Variants in SUPT5H observed in about 807,000 individuals in gnomAD.
SUPT5H encodes SPT5 homolog, DSIF elongation factor subunit.
In SUPT5H, 24 loss-of-function variants were observed where a neutral mutation model predicts 142.5. The observed-to-expected ratio is 0.17, with a 90% CI of 0.12 to 0.24. The LOEUF is 0.24. Among genes scored for constraint, SUPT5H ranks in the 10% least tolerant of loss-of-function variants. The pLI is 1.00. For missense variants in SUPT5H, 893 were observed against 1,471.8 expected (o/e 0.61, Z 6.43); for synonymous variants, 546 against 553.0 (o/e 0.99, Z 0.18).
chr19:39,462,909 G>C (rs551731111), intron 10 of SUPT5H, among the ~76,000 whole-genome samples: 6 of 138,266 alleles, frequency 4.3e-5, no homozygotes, highest in Non-Finnish European at 9.1e-5. Context: ...ATGCGATCTC[G>C]GCTCACCGCA....
In SUPT5H at chr19:39,458,996, G is replaced by T; in HGVS notation, c.390-9G>T. On this transcript the variant is annotated splice_polypyrimidine_tract_variant and intron_variant, in intron 6 of 29. Coordinates refer to ENST00000432763, the MANE Select transcript of SUPT5H (RefSeq NM_001111020.3). This position sits in a 1 kb window ranked among gnomAD's most constrained non-coding sequence, Gnocchi z 4.2. ...TCAATTCGTGTTTGCTTCCCCACTC[G>T]TGCTCCAGGGACCAGCGAGAAGAAG... is the stretch of plus-strand genomic sequence containing the variant. 6.2e-7 allele frequency: 1 copy of T among 1,614,122 alleles called. No individual in the cohort carries two copies. The highest frequency in any genetic ancestry group is 8.5e-7 in the Non-Finnish European group (1 of 1,180,014).
rs751921698 is a variant in SUPT5H, at chr19:39,473,990, C to T, written c.2520C>T (p.Phe840=). The part of the protein sequence containing the change: ...SRAEEEYEYA[F]DDEPTPSPQA... ...CTGAGGAAGAATATGAGTATGCTTT[C>T]GATGATGAGCCCACCCCGTCCCCGC... Residue 840 remains phenylalanine, a synonymous_variant, in exon 26 of 30, where the codon TTC becomes TTT. Coordinates refer to ENST00000432763, the MANE Select transcript of SUPT5H (RefSeq NM_001111020.3). The surrounding 1 kb of genome is among the most constrained non-coding windows in gnomAD (Gnocchi z 5.8). 1.2e-5 allele frequency: 20 copies of T among 1,613,794 alleles called. No homozygotes were observed. The highest frequency in any genetic ancestry group is 1.6e-4 in the Middle Eastern group (1 of 6,080).
intron 10 of SUPT5H, among the ~76,000 whole-genome samples, chr19:39,464,166 G>A (rs2079203863): frequency 6.7e-6 from 1 of 149,112 alleles, no homozygotes; most frequent in Admixed American, 6.7e-5. Flanking sequence ...GATATTTTTA[G>A]TAGAGACAGG....
chr19:39,472,463 A>T lies in SUPT5H; in HGVS notation c.2005A>T (p.Ile669Phe). ...TGGCTTTGCGCCTATGAGTCCCCGG[A>T]TCAGCAGCCCCATGCACCCCAGTGC... ...VGGFAPMSPR[I>F]SSPMHPSAGG... Residue 669 changes from isoleucine (I) to phenylalanine (F), a missense_variant, in exon 21 of 30, where the codon ATC (isoleucine) becomes TTC (phenylalanine). This residue lies in a region of SUPT5H where 428 missense variants were observed against 763.5 expected (regional missense o/e 0.56). Transcript: ENST00000432763. The surrounding 1 kb of genome is among the most constrained non-coding windows in gnomAD (Gnocchi z 4.2). The T allele has an allele frequency of 1.9e-6, 3 of 1,614,042 alleles. No individual in the cohort carries two copies. The highest frequency in any genetic ancestry group is 2.5e-6 in the Non-Finnish European group (3 of 1,179,992).
At position 39,470,278 on chromosome 19, in the gene SUPT5H, G is replaced by A. The variant is rs2079301288; in HGVS notation, c.1530+4G>A. 6.4e-7 allele frequency: 1 copy of A among 1,564,428 alleles called. No individual in the cohort carries two copies. Among genetic ancestry groups the A allele is most frequent in the East Asian group, 2.3e-5 (1 of 43,810 alleles). On this transcript the variant is annotated splice_donor_region_variant and intron_variant, in intron 17 of 29. Coordinates refer to ENST00000432763, the MANE Select transcript of SUPT5H (RefSeq NM_001111020.3). The surrounding 1 kb of genome is among the most constrained non-coding windows in gnomAD (Gnocchi z 5.8). ...CTCTGACCTCACCATGCATGAGGTAGGTGGATAGAAGGGTCGGGGAAGGGT... is the reference window on the plus strand; with the variant it reads ...CTCTGACCTCACCATGCATGAGGTAAGTGGATAGAAGGGTCGGGGAAGGGT...
Position 39,459,217 on chromosome 19 carries a change from C to A in SUPT5H, c.492C>A (p.Asp164Glu). Residue 164 changes from aspartate (D) to glutamate (E), a missense_variant, in exon 8 of 30, where the codon GAC becomes GAA. By Grantham distance (45) the Asp-to-Glu change is conservative (BLOSUM62 2). Transcript: ENST00000432763. ...GAGGATCTGATGAGCTCTCAGACGA[C>A]ATCACCCAGCAGCAGCTGCTCCCAG... ...VYGGSDELSDDITQQQLLPGV... is the reference protein window; with the variant it reads ...VYGGSDELSDEITQQQLLPGV... 6.4e-7 allele frequency: 1 copy of A among 1,571,390 alleles called. No homozygotes were observed. Among genetic ancestry groups the A allele is most frequent in the Non-Finnish European group, 8.6e-7 (1 of 1,157,892 alleles).
intron 2 of SUPT5H, among the ~76,000 whole-genome samples, chr19:39,452,136 G>T (rs1168984771): frequency 6.6e-6 from 1 of 152,158 alleles, no homozygotes; most frequent in Non-Finnish European, 1.5e-5. Flanking sequence ...GTGCCTGTCG[G>T]TAATTGGAGG....
rs1013170793 is a variant in SUPT5H, at chr19:39,459,339, C to T, written c.524+90C>T. On this transcript the variant is annotated intron_variant, in intron 8 of 29. Coordinates refer to ENST00000432763, the MANE Select transcript of SUPT5H (RefSeq NM_001111020.3). Reference sequence around the variant, plus strand: ...AGACAGGTGGCTCCCTGAAATAAGTCAGGGCAGAGTCACACAGGCAGTGTG... The same window carrying T: ...AGACAGGTGGCTCCCTGAAATAAGTTAGGGCAGAGTCACACAGGCAGTGTG... 47 of 1,483,516 alleles carry T rather than the reference C, an allele frequency of 3.2e-5. No individual in the cohort carries two copies. The South Asian group carries it at 5.3e-4, about 17-fold the overall frequency. The allele number at this position is 1,483,516 out of a possible 1,614,324, so 91.9% of individuals were successfully genotyped here. A position where few individuals can be genotyped will look rare whatever the true frequency, so the allele number is the denominator to read the frequency against.
In SUPT5H at chr19:39,469,945, T is replaced by C. The variant is rs952732634; in HGVS notation, c.1375-174T>C. 3.7e-6 allele frequency: 3 copies of C among 800,540 alleles called. No individual in the cohort carries two copies. In the African/African-American group the frequency reaches 5.2e-5, roughly 14 times the overall value. 49.6% of individuals were successfully genotyped at this position (800,540 alleles called of 1,614,324 possible). A position where few individuals can be genotyped will look rare whatever the true frequency, so the allele number is the denominator to read the frequency against. ...TTGGTGTCCTGTGTCTGGGGTCAGC[T>C]GTTTCTGGGGCAGTCTGAGGGGTCG... On this transcript the variant is annotated intron_variant, in intron 16 of 29. Transcript: ENST00000432763. The surrounding 1 kb of genome is among the most constrained non-coding windows in gnomAD (Gnocchi z 5.1).
At position 39,472,303 on chromosome 19, in the gene SUPT5H, G is replaced by A. The variant is rs1260023026; in HGVS notation, c.1951-106G>A. On this transcript the variant is annotated intron_variant, in intron 20 of 29. Transcript: ENST00000432763. The surrounding 1 kb of genome is among the most constrained non-coding windows in gnomAD (Gnocchi z 4.2). Reference sequence around the variant, plus strand: ...AGAGGAATTCAGGCCTGGGGTGTGGGTGGCTGGGTGGTCTCCTCAGGGCCC... The same window carrying A: ...AGAGGAATTCAGGCCTGGGGTGTGGATGGCTGGGTGGTCTCCTCAGGGCCC... 10 of 1,042,426 alleles carry A rather than the reference G, an allele frequency of 9.6e-6. No homozygotes were observed. Among genetic ancestry groups the A allele is most frequent in the Non-Finnish European group, 1.5e-5 (10 of 677,460 alleles). The allele number at this position is 1,042,426 out of a possible 1,614,324, so 64.6% of individuals were successfully genotyped here.
chr19:39,466,898 TC>T lies in SUPT5H; in HGVS notation c.1037+156del. 1.5e-6 allele frequency: 1 copy of T among 675,658 alleles called. No individual in the cohort carries two copies. The highest frequency in any genetic ancestry group is 2.6e-6 in the Non-Finnish European group (1 of 388,192). The allele number at this position is 675,658 out of a possible 1,614,324, so 41.9% of individuals were successfully genotyped here. On this transcript the variant is annotated intron_variant, in intron 13 of 29. Coordinates refer to ENST00000432763, the MANE Select transcript of SUPT5H (RefSeq NM_001111020.3). The surrounding 1 kb of genome is among the most constrained non-coding windows in gnomAD (Gnocchi z 4.3). ...ATAGCCTCAGGCAAGTCACTTCACA[TC>T]CCTGTGCCTCAGTTTCTTCTGCTAT...
chr19:39,445,703 TG>T, intron 1 of SUPT5H, 66 bp downstream of exon 1: 2 of 654,854 alleles, frequency 3.1e-6, no homozygotes, highest in Non-Finnish European at 5.3e-6. Context: ...ATTCGGAAAC[TG>T]GGGAGGTCTA....
Position 39,452,618 on chromosome 19 carries a change from G to T in SUPT5H, c.76-738G>T, listed in dbSNP as rs75209835. 3.5e-3 allele frequency among the ~76,000 whole-genome samples: 533 copies of T among 152,222 alleles called. 3 individuals carry two copies. The highest frequency in any genetic ancestry group is 0.012 in the African/African-American group (503 of 41,538). On this transcript the variant is annotated intron_variant, in intron 2 of 29. Transcript: ENST00000432763. Reference sequence around the variant, plus strand: ...GCAACAGGGGTGGCCAGTGATCTTCGTGAGCAGTGTGGACTAGAAACAGAG... The same window carrying T: ...GCAACAGGGGTGGCCAGTGATCTTCTTGAGCAGTGTGGACTAGAAACAGAG...
At position 39,474,270 on chromosome 19, in the gene SUPT5H, C is replaced by G; in HGVS notation, c.2688C>G (p.Pro896=). 2 of 1,614,098 alleles carry G rather than the reference C, an allele frequency of 1.2e-6. No individual in the cohort carries two copies. The highest frequency in any genetic ancestry group is 1.7e-6 in the Non-Finnish European group (2 of 1,179,980). The change falls in exon 27 of 30, where the codon CCC becomes CCG. Residue 896 remains proline, a synonymous_variant. Coordinates refer to ENST00000432763, the MANE Select transcript of SUPT5H (RefSeq NM_001111020.3). This position sits in a 1 kb window ranked among gnomAD's most constrained non-coding sequence, Gnocchi z 6.5. ...ACCAGTTCTCTCCCTATGCTGCCCC[C>G]TCCCCACAAGGTTCCTACCAGCCCA... ...NTDQFSPYAA[P]SPQGSYQPSP...
At chr19:39,468,593 G>T in intron 13 of SUPT5H, 163 bp from the exon 14 acceptor site, 1 of 624,896 alleles carries the variant, frequency 1.6e-6, no homozygotes, top group East Asian at 2.8e-5. Flanking sequence ...CGGGCCTTTG[G>T]GGTTTGTGAG....
At chr19:39,464,299 A>G (rs1005339005) in intron 10 of SUPT5H, among the ~76,000 whole-genome samples, 5 of 152,094 alleles carry the variant, frequency 3.3e-5, no homozygotes, top group African/African-American at 4.8e-5. Context: ...TTGCTTTTTT[A>G]CACAGAACAT....
chr19:39,462,057 G>A lies in SUPT5H; in HGVS notation c.624+2097G>A, dbSNP rs374238281. Among the ~76,000 whole-genome samples, 7 of 151,812 alleles carry A rather than the reference G, an allele frequency of 4.6e-5. No individual in the cohort carries two copies. The South Asian group carries it at 8.3e-4, about 18-fold the overall frequency. On this transcript the variant is annotated intron_variant, in intron 10 of 29. Coordinates refer to ENST00000432763, the MANE Select transcript of SUPT5H (RefSeq NM_001111020.3). ...CGAGTAGCTGGGATTATAGGCATCCGCCACCATGCCCGGCTGATTTTTTTG... is the reference window on the plus strand; with the variant it reads ...CGAGTAGCTGGGATTATAGGCATCCACCACCATGCCCGGCTGATTTTTTTG...
chr19:39,475,393 CA>C (rs57598754), intron 28 of SUPT5H, among the ~76,000 whole-genome samples: 33 of 132,866 alleles, frequency 2.5e-4, no homozygotes, highest in South Asian at 2.5e-4. Context: ...CAAGACTCCT[CA>C]AAAAAAAAAA....
chr19:39,476,295 G>A lies in SUPT5H; in HGVS notation c.3160G>A (p.Val1054Ile), dbSNP rs577692870. The change falls in exon 30 of 30, where the codon GTC becomes ATC. Residue 1054 changes from valine to isoleucine, a missense_variant. Val to Ile is a conservative substitution (Grantham distance 29). This residue lies in a region of SUPT5H where 336 missense variants were observed against 546.5 expected (regional missense o/e 0.61). Coordinates refer to ENST00000432763, the MANE Select transcript of SUPT5H (RefSeq NM_001111020.3). Reference protein sequence around the residue: ...ILGEDREATGVLLSIDGEDGI... With the variant: ...ILGEDREATGILLSIDGEDGI... ...GGGCGAGGATCGGGAAGCCACGGGC[G>A]TCCTACTGAGCATTGATGGTGAGGA... 16 of 1,613,994 alleles carry A rather than the reference G, an allele frequency of 9.9e-6. No individual in the cohort carries two copies. The highest frequency in any genetic ancestry group is 6.7e-5 in the Admixed American group (4 of 59,988).
Sources: gnomAD v4.1 joint callset for allele counts (sites outside exome capture counted in the v4.1 genomes callset) on GRCh38, gnomAD v4.1.1 for gene constraint, gnomAD v4.1.1 regional missense constraint, Gnocchi (gnomAD v3.1) non-coding constraint, MANE v1.5 for transcripts, NCBI Gene and HGNC (gene_info 2026-07-23, HGNC 2026-07-21) for gene names.